HBP1: variants seen among roughly 807,000 people sequenced by gnomAD.
HBP1 encodes the protein HMG box-containing protein 1.
Under a neutral mutation model 62.6 loss-of-function variants are expected in HBP1, and 20 were observed. The observed-to-expected ratio is 0.32, with a 90% CI of 0.22 to 0.46. HBP1 has a LOEUF of 0.46. Ranked by LOEUF, HBP1 falls within the 20% of genes least tolerant of loss-of-function variation. The probability of loss-of-function intolerance (pLI) is 1.00; values close to 1 mark genes in which losing one functional copy is unlikely to be tolerated. For synonymous variants in HBP1, 232 were observed against 206.2 expected (o/e 1.12, Z -1.07); for missense variants, 480 against 611.8 (o/e 0.78, Z 2.27).
intron 1 of HBP1, among the ~76,000 whole-genome samples, chr7:107,171,400 C>T (rs1327443832): frequency 6.6e-6 from 1 of 151,922 alleles, no homozygotes; most frequent in African/African-American, 2.4e-5. Context: ...GGATTCTTTC[C>T]TCACTAATCG....
intron 3 of HBP1, among the ~76,000 whole-genome samples, chr7:107,183,536 A>T (rs1562890768): frequency 6.6e-6 from 1 of 152,112 alleles, no homozygotes; most frequent in African/African-American, 2.4e-5. Context: ...TTCCTTTCAG[A>T]GTTGTTATTT....
chr7:107,177,783 AATAC>A (rs1796925296), intron 1 of HBP1, among the ~76,000 whole-genome samples: 1 of 152,236 alleles, frequency 6.6e-6, no homozygotes, highest in South Asian at 2.1e-4. Context: ...ATTGGATTGT[AATAC>A]ATCAAAATGT....
chr7:107,171,708 C>T (rs2115764608), intron 1 of HBP1, among the ~76,000 whole-genome samples: 1 of 151,702 alleles, frequency 6.6e-6, no homozygotes, highest in Non-Finnish European at 1.5e-5. Flanking sequence ...AAAAATACAA[C>T]AGTTAGCTGG....
Position 107,195,998 on chromosome 7 carries a change from ATTC to A in HBP1, c.1235_1237del (p.Ser412del), listed in dbSNP as rs761162573. 6.2e-7 allele frequency: 1 copy of A among 1,613,960 alleles called. No individual in the cohort carries two copies. The highest frequency in any genetic ancestry group is 1.3e-5 in the African/African-American group (1 of 74,914). ...CCTGGATCATCACAGCTCTCTTCCA[ATTC>A]TTTGTATGCTAAAGCTGTCAAAAAC... On this transcript the variant is annotated inframe_deletion, in exon 9 of 11. Coordinates refer to ENST00000222574, the MANE Select transcript of HBP1 (RefSeq NM_012257.4).
intron 1 of HBP1, among the ~76,000 whole-genome samples, chr7:107,172,978 A>AG (rs1796671801): frequency 6.6e-6 from 1 of 152,226 alleles, no homozygotes; most frequent in African/African-American, 2.4e-5. Flanking sequence ...GAAAGTGGTA[A>AG]GTGACCAAAA....
intron 8 of HBP1, among the ~76,000 whole-genome samples, chr7:107,194,550 A>T (rs867914152): frequency 6.6e-6 from 1 of 152,234 alleles, no homozygotes; most frequent in Non-Finnish European, 1.5e-5. Flanking sequence ...TGTGTGCTTG[A>T]TAAGTGGTAG....
intron 1 of HBP1, among the ~76,000 whole-genome samples, chr7:107,172,323 T>C (rs1286140656): frequency 2.0e-5 from 3 of 152,190 alleles, no homozygotes; most frequent in Non-Finnish European, 2.9e-5. Context: ...TGATAAATTA[T>C]AGAATGAAGT....
chr7:107,179,940 A>G lies in HBP1; in HGVS notation c.47A>G (p.Lys16Arg). The part of the protein sequence containing the change: ...KTNQMPNAVQ[K>R]LLLVMDKRAS... ...AATCAGATGCCTAATGCAGTACAGAAACTCCTGTTGGTGATGGACAAGAGA... is the reference window on the plus strand; with the variant it reads ...AATCAGATGCCTAATGCAGTACAGAGACTCCTGTTGGTGATGGACAAGAGA... The change falls in exon 2 of 11, where the codon AAA becomes AGA. Residue 16 changes from lysine (K) to arginine (R), a missense_variant. Lys to Arg is a conservative substitution (Grantham distance 26, BLOSUM62 2). Transcript: ENST00000222574. 6.2e-7 allele frequency: 1 copy of G among 1,610,774 alleles called. No homozygotes were observed. The highest frequency in any genetic ancestry group is 8.5e-7 in the Non-Finnish European group (1 of 1,177,214).
intron 7 of HBP1, 92 bp downstream of exon 7, chr7:107,189,540 T>C: frequency 1.0e-6 from 1 of 959,608 alleles, no homozygotes. Flanking sequence ...TAAGAAAAAA[T>C]TTGAGGGGAA....
At chr7:107,201,268 A>G (rs1167704436) in intron 10 of HBP1, 146 bp from the exon 11 acceptor site, 2 of 479,460 alleles carry the variant, frequency 4.2e-6, no homozygotes, top group Non-Finnish European at 7.6e-6. Flanking sequence ...GCCATCAGAT[A>G]TCAGCTAGCT....
chr7:107,185,386 G>C (rs1435270741), intron 3 of HBP1, among the ~76,000 whole-genome samples: 1 of 152,122 alleles, frequency 6.6e-6, no homozygotes, highest in East Asian at 1.9e-4. Context: ...TTCAGAGTTG[G>C]TTACACTAAG....
chr7:107,184,721 AG>A (rs761439139), intron 3 of HBP1, among the ~76,000 whole-genome samples: 3 of 152,188 alleles, frequency 2.0e-5, no homozygotes, highest in Non-Finnish European at 4.4e-5. Flanking sequence ...TGTGTTAGCC[AG>A]GATGGTCTCC....
intron 9 of HBP1, among the ~76,000 whole-genome samples, chr7:107,199,427 T>C (rs1798097866): frequency 6.6e-6 from 1 of 152,258 alleles, no homozygotes. Flanking sequence ...AATGTTTAAC[T>C]GCATTAAGTT....
In HBP1 at chr7:107,179,969, T is replaced by G. The variant is rs750701122; in HGVS notation, c.76T>G (p.Ser26Ala). 6 of 1,611,474 alleles carry G rather than the reference T, an allele frequency of 3.7e-6. No individual in the cohort carries two copies. Among genetic ancestry groups the G allele is most frequent in the Non-Finnish European group, 5.1e-6 (6 of 1,177,858 alleles). ...CCTGTTGGTGATGGACAAGAGAGCC[T>G]CAGGAATGAATGACTCATTGGAGTT... ...KLLLVMDKRA[S>A]GMNDSLELLQ... The change falls in exon 2 of 11, where the codon TCA becomes GCA. Residue 26 changes from serine (S) to alanine (A), a missense_variant. Coordinates refer to ENST00000222574, the MANE Select transcript of HBP1 (RefSeq NM_012257.4).
intron 1 of HBP1, among the ~76,000 whole-genome samples, chr7:107,176,564 C>G (rs1796861036): frequency 6.6e-6 from 1 of 152,120 alleles, no homozygotes. Flanking sequence ...GAAACAAAAA[C>G]TAGTGCACAA....
At position 107,185,936 on chromosome 7, in the gene HBP1, C is replaced by CT. The variant is rs201145168; in HGVS notation, c.534_535insT (p.Glu179Ter). ...GGAAGGAGGAAACACCAGTAAGACA[C>CT]GAAAGGGTAAGTTTATTTATGAGGT... On this transcript the variant is annotated frameshift_variant, in exon 4 of 11. Coordinates refer to ENST00000222574, the MANE Select transcript of HBP1 (RefSeq NM_012257.4). LOFTEE classifies it high-confidence loss of function. The CT allele has an allele frequency of 1.0e-3, 1,622 of 1,610,364 alleles. 19 individuals are homozygous for CT. The East Asian group carries it at 0.033, about 33-fold the overall frequency.
At chr7:107,199,545 TTGA>T (rs1315375686) in intron 9 of HBP1, among the ~76,000 whole-genome samples, 1 of 152,234 alleles carries the variant, frequency 6.6e-6, no homozygotes, top group Admixed American at 6.5e-5. Context: ...TAAAAATCAC[TTGA>T]TGTGCTTTGT....
At chr7:107,174,655 T>G in intron 1 of HBP1, 1 of 984,580 alleles carries the variant, frequency 1.0e-6, no homozygotes, top group Non-Finnish European at 1.2e-6. Flanking sequence ...GCTGTGCTTC[T>G]GTGGACCCCA....
chr7:107,177,308 C>T (rs1395034925), intron 1 of HBP1, among the ~76,000 whole-genome samples: 7 of 152,172 alleles, frequency 4.6e-5, no homozygotes, highest in Non-Finnish European at 8.8e-5. Flanking sequence ...TACATCTAAC[C>T]CAGTGCCCTT....
Sources: allele counts gnomAD v4.1 joint callset (sites outside exome capture counted in the v4.1 genomes callset), GRCh38; gene constraint gnomAD v4.1.1; transcripts MANE v1.5; gene names NCBI Gene and HGNC (gene_info 2026-07-23, HGNC 2026-07-21).